Variants in ANXA6 observed in about 807,000 individuals in gnomAD.
The protein encoded by ANXA6 is annexin A6, also known as 67 kDa calelectrin.
In ANXA6, 71 loss-of-function variants were observed where a neutral mutation model predicts 95.4. The ratio of observed to expected loss-of-function variants is 0.74; its 90% CI spans 0.61 to 0.91. The LOEUF (loss-of-function observed/expected upper bound fraction) is 0.91. Among genes scored for constraint, ANXA6 ranks in the 40% least tolerant of loss-of-function variants. The pLI is 0.00. For synonymous variants in ANXA6, 289 were observed against 315.9 expected (o/e 0.91, Z 0.90); for missense variants, 830 against 876.4 (o/e 0.95, Z 0.67).
At chr5:151,138,505 C>A (rs1454844333) in intron 5 of ANXA6, among the ~76,000 whole-genome samples, 173 bp downstream of exon 5, 1 of 152,162 alleles carries the variant, frequency 6.6e-6, no homozygotes, top group Non-Finnish European at 1.5e-5. Flanking sequence ...CATCTGTCTG[C>A]ATCTCTCTGT....
intron 20 of ANXA6, among the ~76,000 whole-genome samples, chr5:151,116,886 T>C (rs1561569682): frequency 6.6e-6 from 1 of 152,244 alleles, no homozygotes; most frequent in Admixed American, 6.5e-5. Flanking sequence ...GGCTTTGACC[T>C]GGGTGATCTG....
chr5:151,144,284 C>T (rs1023531631), intron 2 of ANXA6, among the ~76,000 whole-genome samples: 3 of 152,152 alleles, frequency 2.0e-5, no homozygotes, highest in Non-Finnish European at 4.4e-5. Flanking sequence ...TGTAACTTGC[C>T]TTGTATGTAG....
At chr5:151,114,091 G>A (rs1035734020) in intron 20 of ANXA6, among the ~76,000 whole-genome samples, 5 of 152,210 alleles carry the variant, frequency 3.3e-5, no homozygotes, top group African/African-American at 1.2e-4. Context: ...CACATCTGGA[G>A]AGACAGAAAG....
rs1036013321 is a variant in ANXA6, at chr5:151,101,027, T to A, written c.*421A>T. 2.1e-4 allele frequency: 99 copies of A among 464,404 alleles called. 2 individuals are homozygous for A. Among genetic ancestry groups the A allele is most frequent in the South Asian group, 1.3e-3 (82 of 64,646 alleles). 28.8% of individuals were successfully genotyped at this position (464,404 alleles called of 1,614,324 possible). A position where few individuals can be genotyped will look rare whatever the true frequency, so the allele number is the denominator to read the frequency against. ...TCAGTTTGCCCCAGCACATTTACTA[T>A]CCTTCCCACCACCCCGCCCAGCACA... On this transcript the variant is annotated 3_prime_UTR_variant, in exon 26 of 26. Coordinates refer to ENST00000354546, the MANE Select transcript of ANXA6 (RefSeq NM_001155.5).
intron 11 of ANXA6, among the ~76,000 whole-genome samples, chr5:151,130,961 C>T (rs189961749): frequency 1.1e-4 from 17 of 152,326 alleles, no homozygotes; most frequent in Admixed American, 7.8e-4. Flanking sequence ...AAGTCCGAGC[C>T]GCCAACCCAT....
chr5:151,115,899 T>C lies in ANXA6; in HGVS notation c.1572+1228A>G, dbSNP rs547890864. ...TCTACTGGGTCTTGGAAGATATTACTGTAAATGGAATTAAGCATAGACTCT... is the reference window on the plus strand; with the variant it reads ...TCTACTGGGTCTTGGAAGATATTACCGTAAATGGAATTAAGCATAGACTCT... On this transcript the variant is annotated intron_variant, in intron 20 of 25. Coordinates refer to ENST00000354546, the MANE Select transcript of ANXA6 (RefSeq NM_001155.5). Among the ~76,000 whole-genome samples the C allele has an allele frequency of 2.6e-5, 4 of 152,350 alleles. No individual in the cohort carries two copies. The South Asian group carries it at 8.3e-4, about 32-fold the overall frequency.
chr5:151,118,755 A>G (rs1256327425), intron 18 of ANXA6, among the ~76,000 whole-genome samples: 10 of 151,988 alleles, frequency 6.6e-5, no homozygotes, highest in Admixed American at 6.6e-4. Flanking sequence ...TTTTGTAGAG[A>G]CGGGGTTTTG....
chr5:151,134,497 C>A lies in ANXA6; in HGVS notation c.490-14G>T, dbSNP rs374099430. On this transcript the variant is annotated splice_polypyrimidine_tract_variant and intron_variant, in intron 7 of 25. Coordinates refer to ENST00000354546, the MANE Select transcript of ANXA6 (RefSeq NM_001155.5). ...CTCCCTGGTTCCCTGGGCAGAAAGA[C>A]AAAGAACATGTGTTTCAAACACTGC... 5.0e-6 allele frequency: 8 copies of A among 1,613,856 alleles called. No individual in the cohort carries two copies. In the African/African-American group the frequency reaches 8.0e-5, roughly 16 times the overall value.
At chr5:151,110,704 G>C in intron 20 of ANXA6, 60 bp from the exon 21 acceptor site, 1 of 1,599,810 alleles carries the variant, frequency 6.3e-7, no homozygotes, top group Non-Finnish European at 8.6e-7. Flanking sequence ...GAGGAGGTTG[G>C]GGAGGCTGGT....
intron 9 of ANXA6, among the ~76,000 whole-genome samples, chr5:151,132,829 C>A (rs1319392657): frequency 6.6e-6 from 1 of 151,850 alleles, no homozygotes. Context: ...GCCAAGCATC[C>A]TGTTAATGAC....
rs777741194 is a variant in ANXA6, at chr5:151,101,517, G to T, written c.1963-10C>A. On this transcript the variant is annotated splice_polypyrimidine_tract_variant and intron_variant, in intron 25 of 25. Transcript: ENST00000354546. ...CTCCGGAGGTGTCACCCTGGCAGAG[G>T]CAGAGAGCAGAGTGAGTGAAAACAG... is the stretch of plus-strand genomic sequence containing the variant. The T allele has an allele frequency of 2.6e-6, 4 of 1,556,696 alleles. No homozygotes were observed. Among genetic ancestry groups the T allele is most frequent in the Non-Finnish European group, 3.5e-6 (4 of 1,149,984 alleles).
intron 20 of ANXA6, among the ~76,000 whole-genome samples, chr5:151,112,588 T>C (rs1463336890): frequency 6.6e-6 from 1 of 152,204 alleles, no homozygotes; most frequent in Non-Finnish European, 1.5e-5. Context: ...TCCCAGGACA[T>C]TGGGAAGCCA....
chr5:151,148,754 G>T (rs775295960), intron 1 of ANXA6, among the ~76,000 whole-genome samples: 10 of 152,146 alleles, frequency 6.6e-5, no homozygotes, highest in Non-Finnish European at 1.5e-4. Context: ...TCACGAGTGT[G>T]ACTGGGGCAC....
chr5:151,117,891 C>A, intron 18 of ANXA6, 54 bp from the exon 19 acceptor site: 1 of 1,488,894 alleles, frequency 6.7e-7, no homozygotes, highest in Non-Finnish European at 9.3e-7. Flanking sequence ...GATTTGGTTG[C>A]GGGGAGGGAG....
At chr5:151,120,318 A>T (rs1765127621) in intron 17 of ANXA6, among the ~76,000 whole-genome samples, 1 of 150,886 alleles carries the variant, frequency 6.6e-6, no homozygotes, top group South Asian at 2.1e-4. Context: ...TGACTGATTG[A>T]TTGACTGAAT....
chr5:151,149,877 G>A (rs933031565), intron 1 of ANXA6, among the ~76,000 whole-genome samples: 7 of 152,182 alleles, frequency 4.6e-5, no homozygotes, highest in Non-Finnish European at 7.3e-5. Context: ...CCAGCACTTT[G>A]GGAGGCCAAG....
chr5:151,120,437 C>A (rs1240845574), intron 17 of ANXA6, among the ~76,000 whole-genome samples: 2 of 142,302 alleles, frequency 1.4e-5, no homozygotes, highest in Non-Finnish European at 3.0e-5. Context: ...AAAAAAAAGT[C>A]CGGGCGTGGT....
chr5:151,126,330 C>G, intron 14 of ANXA6, 72 bp downstream of exon 14: 1 of 1,384,002 alleles, frequency 7.2e-7, no homozygotes. Flanking sequence ...TGGGTGCCAA[C>G]CAGAGCAGCA....
At chr5:151,125,258 G>A (rs571987303) in intron 14 of ANXA6, among the ~76,000 whole-genome samples, 1 of 148,836 alleles carries the variant, frequency 6.7e-6, no homozygotes, top group African/African-American at 2.5e-5. Flanking sequence ...TAAGTGGAAG[G>A]ATCACCTGAG....
Sources: gnomAD v4.1 joint callset for allele counts (sites outside exome capture counted in the v4.1 genomes callset) on GRCh38, gnomAD v4.1.1 for gene constraint, MANE v1.5 for transcripts, NCBI Gene and HGNC (gene_info 2026-07-23, HGNC 2026-07-21) for gene names.